Variants in ERMP1 observed in about 807,000 individuals in gnomAD.
ERMP1 encodes the protein Felix-ina.
ERMP1 carries 86 observed loss-of-function variants against 92.0 expected under a neutral mutation model. The observed-to-expected ratio is 0.93, with a 90% CI of 0.79 to 1.12. ERMP1 has a LOEUF of 1.12. Ranked by LOEUF, ERMP1 falls within the 50% of genes most tolerant of loss-of-function variation. ERMP1 has a pLI of 0.00. For missense variants in ERMP1, 1,342 were observed against 1,116.3 expected (o/e 1.20, Z -2.88); for synonymous variants, 530 against 412.8 (o/e 1.28, Z -3.44).
chr9:5,841,043 C>T (rs1586834850), intron 6 of ERMP1, among the ~76,000 whole-genome samples: 1 of 152,222 alleles, frequency 6.6e-6, no homozygotes, highest in Non-Finnish European at 1.5e-5. Context: ...CTGTTCTGCT[C>T]TCCCTACCCG....
At chr9:5,843,795 G>A (rs12377641) in intron 6 of ERMP1, among the ~76,000 whole-genome samples, 12,707 of 152,120 alleles carry the variant, frequency 0.084, 716 homozygotes, top group Non-Finnish European at 0.12. Flanking sequence ...CCCCTACCAC[G>A]GACAGTGTTG....
Position 5,797,916 on chromosome 9 carries a change from G to C in ERMP1, c.2287C>G (p.Pro763Ala). The C allele has an allele frequency of 6.2e-7, 1 of 1,610,956 alleles. No individual in the cohort carries two copies. The highest frequency in any genetic ancestry group is 8.5e-7 in the Non-Finnish European group (1 of 1,177,526). The stretch of plus-strand genomic sequence containing the variant: ...TTTCTTGGAGAAACTTCTGGGGCAG[G>C]AAGATACCAGTTTTTCCTATTTAGA... ...HFLIRKNWYL[P>A]APEVSPRNPP... Residue 763 changes from proline to alanine, a missense_variant, in exon 13 of 15, where the codon CCT (proline) becomes GCT (alanine). Transcript: ENST00000339450.
chr9:5,786,948 T>G lies in ERMP1; in HGVS notation c.*196A>C, dbSNP rs2131191553. 4.2e-6 allele frequency: 2 copies of G among 475,188 alleles called. No homozygotes were observed. Among genetic ancestry groups the G allele is most frequent in the East Asian group, 7.5e-5 (2 of 26,720 alleles). The allele number at this position is 475,188 out of a possible 1,614,324, so 29.4% of individuals were successfully genotyped here. On this transcript the variant is annotated 3_prime_UTR_variant, in exon 15 of 15. Coordinates refer to ENST00000339450, the MANE Select transcript of ERMP1 (RefSeq NM_024896.3). ...GCCAAAAGACTGGCATTTTCAAGTG[T>G]CAACAGGCCATGCATCACTGCGCCA...
chr9:5,839,395 A>G (rs1195950457), intron 6 of ERMP1, among the ~76,000 whole-genome samples: 1 of 152,172 alleles, frequency 6.6e-6, no homozygotes, highest in Non-Finnish European at 1.5e-5. Flanking sequence ...CTAGGGATTT[A>G]TTTGAGGGTC....
chr9:5,841,292 C>A (rs756410378), intron 6 of ERMP1, among the ~76,000 whole-genome samples: 1 of 152,146 alleles, frequency 6.6e-6, no homozygotes, highest in Non-Finnish European at 1.5e-5. Context: ...AGTACTGATA[C>A]GTACTATAAT....
chr9:5,831,513 T>G (rs1425910949), intron 1 of ERMP1, among the ~76,000 whole-genome samples: 1 of 151,926 alleles, frequency 6.6e-6, no homozygotes, highest in East Asian at 1.9e-4. Flanking sequence ...GAGGCTGAGG[T>G]GGGAGGACTG....
chr9:5,811,244 G>A lies in ERMP1; in HGVS notation c.1194C>T (p.Asn398=). 6.2e-7 allele frequency: 1 copy of A among 1,613,424 alleles called. No individual in the cohort carries two copies. Among genetic ancestry groups the A allele is most frequent in the Non-Finnish European group, 8.5e-7 (1 of 1,179,886 alleles). The part of the protein sequence containing the change: ...LAAASKYRHG[N]MVFFDVLGLF... Reference sequence around the variant, plus strand: ...GGCCCAGCACATCAAAGAAGACCATGTTTCCATGTCGATACTTAGAAGCAG... The same window carrying A: ...GGCCCAGCACATCAAAGAAGACCATATTTCCATGTCGATACTTAGAAGCAG... The change falls in exon 7 of 15, where the codon AAC becomes AAT. Residue 398 remains asparagine, a synonymous_variant. Transcript: ENST00000339450.
intron 6 of ERMP1, among the ~76,000 whole-genome samples, chr9:5,850,217 C>G (rs1830291384): frequency 6.6e-6 from 1 of 151,782 alleles, no homozygotes; most frequent in African/African-American, 2.4e-5. Context: ...ACCAGCCTGG[C>G]CAACATGGTG....
rs770195192 is a variant in ERMP1 at position 5,805,227 on chromosome 9, AAG to A, written c.1724-12_1724-11del. 4.4e-6 allele frequency: 7 copies of A among 1,591,212 alleles called. No homozygotes were observed. The highest frequency in any genetic ancestry group is 5.1e-6 in the Non-Finnish European group (6 of 1,166,712). ...AATTTTCCTTGGGCACCTAGGGAAAAAGAGAAAAAAAGCACACATCTATGAAA... is the reference window on the plus strand; with the variant it reads ...AATTTTCCTTGGGCACCTAGGGAAAAAGAAAAAAAGCACACATCTATGAAA... On this transcript the variant is annotated splice_polypyrimidine_tract_variant and intron_variant, in intron 9 of 14. Coordinates refer to ENST00000339450, the MANE Select transcript of ERMP1 (RefSeq NM_024896.3).
chr9:5,852,391 T>C (rs536853359), intron 6 of ERMP1, among the ~76,000 whole-genome samples: 1 of 151,898 alleles, frequency 6.6e-6, no homozygotes, highest in Non-Finnish European at 1.5e-5. Context: ...GCCTCCCTCA[T>C]AGCTGGGACT....
chr9:5,845,522 T>C (rs1249749461), intron 6 of ERMP1, among the ~76,000 whole-genome samples: 1 of 152,102 alleles, frequency 6.6e-6, no homozygotes, highest in African/African-American at 2.4e-5. Context: ...TAACTCCTGA[T>C]TGATTGATTG....
At chr9:5,819,835 C>G (rs913840715) in intron 4 of ERMP1, among the ~76,000 whole-genome samples, 25 of 149,836 alleles carry the variant, frequency 1.7e-4, no homozygotes, top group Non-Finnish European at 2.5e-4. Context: ...TCTATAGAGA[C>G]ACAAAGTAGA....
chr9:5,823,902 G>T lies in ERMP1; in HGVS notation c.868C>A (p.Gln290Lys), dbSNP rs760859531. 2 of 1,605,620 alleles carry T rather than the reference G, an allele frequency of 1.2e-6. No homozygotes were observed. The highest frequency in any genetic ancestry group is 2.2e-5 in the South Asian group (2 of 90,778). The stretch of plus-strand genomic sequence containing the variant: ...AACGCACAATCTCACATACCTGTTT[G>T]GAATACAAGTTCTTTCCCTCCTACA... The part of the protein sequence containing the change: ...AGVGGKELVF[Q>K]TGPENPWLVQ... The change falls in exon 4 of 15, where the codon CAA becomes AAA. Residue 290 changes from glutamine to lysine, a missense_variant. Transcript: ENST00000339450.
chr9:5,836,706 C>A (rs774758226), upstream of ERMP1, among the ~76,000 whole-genome samples: 5 of 152,100 alleles, frequency 3.3e-5, no homozygotes, highest in Admixed American at 6.6e-5. Flanking sequence ...ATTGATCTTT[C>A]CAACTCTGAA....
intron 6 of ERMP1, among the ~76,000 whole-genome samples, chr9:5,840,208 T>C (rs1052165425): frequency 6.6e-6 from 1 of 151,950 alleles, no homozygotes; most frequent in African/African-American, 2.4e-5. Flanking sequence ...CACCACTGCA[T>C]TCCAGCCTGG....
intron 4 of ERMP1, among the ~76,000 whole-genome samples, chr9:5,815,417 G>T (rs1377091367): frequency 6.9e-6 from 1 of 145,730 alleles, no homozygotes; most frequent in East Asian, 2.0e-4. Context: ...CCTAAACTGG[G>T]ACAATTCATG....
chr9:5,833,212 C>G, upstream of ERMP1: 1 of 558,796 alleles, frequency 1.8e-6, no homozygotes, highest in Non-Finnish European at 3.0e-6. Flanking sequence ...CTCGGGTGCA[C>G]ACAGCTGCAG....
chr9:5,825,319 C>T, intron 2 of ERMP1, 100 bp from the exon 3 acceptor site: 1 of 1,128,456 alleles, frequency 8.9e-7, no homozygotes, highest in Non-Finnish European at 1.2e-6. Context: ...AGAAGCATCA[C>T]AATAGCTGCA....
chr9:5,804,349 T>C (rs1828789832), intron 10 of ERMP1, among the ~76,000 whole-genome samples: 4 of 152,060 alleles, frequency 2.6e-5, no homozygotes, highest in Admixed American at 2.6e-4. Context: ...GGTCTGGTCT[T>C]AAACTCTGCA....
Sources: allele counts gnomAD v4.1 joint callset (sites outside exome capture counted in the v4.1 genomes callset), GRCh38; gene constraint gnomAD v4.1.1; transcripts MANE v1.5; gene names NCBI Gene and HGNC (gene_info 2026-07-23, HGNC 2026-07-21).